GPC6: variants seen among roughly 807,000 people sequenced by gnomAD.
GPC6 encodes glypican 6, also known as glypican-6.
In GPC6, 14 loss-of-function variants were observed where a neutral mutation model predicts 55.2. The ratio of observed to expected loss-of-function variants is 0.25; its 90% confidence interval spans 0.17 to 0.40. GPC6 has a LOEUF of 0.40. Among genes scored for constraint, GPC6 ranks in the 10% least tolerant of loss-of-function variants. The probability of loss-of-function intolerance (pLI) is 1.00; values close to 1 mark genes in which losing one functional copy is unlikely to be tolerated. For missense variants in GPC6, 641 were observed against 708.5 expected (o/e 0.90, Z 1.08); for synonymous variants, 278 against 259.6 (o/e 1.07, Z -0.68).
intron 1 of GPC6, among the ~76,000 whole-genome samples, chr13:93,418,199 G>A (rs189114799): frequency 2.8e-3 from 430 of 151,472 alleles, no homozygotes; most frequent in African/African-American, 9.8e-3. Flanking sequence ...GAGATACTTC[G>A]ATATAGGCAT....
At chr13:94,358,838 C>T (rs1437420810) in intron 6 of GPC6, among the ~76,000 whole-genome samples, 3 of 152,244 alleles carry the variant, frequency 2.0e-5, no homozygotes, top group Non-Finnish European at 2.9e-5. Context: ...TCCTGAAATC[C>T]TCTTTTTCAT....
intron 6 of GPC6, among the ~76,000 whole-genome samples, chr13:94,312,732 A>G (rs74105768): frequency 7.3e-6 from 1 of 137,898 alleles, no homozygotes; most frequent in Non-Finnish European, 1.5e-5. Context: ...ACACACACAC[A>G]CACACACACA....
chr13:93,658,337 C>T (rs936807765), intron 2 of GPC6, among the ~76,000 whole-genome samples: 9 of 151,832 alleles, frequency 5.9e-5, no homozygotes, highest in Non-Finnish European at 8.8e-5. Flanking sequence ...ATCTGCATTG[C>T]TGTATATGAC....
chr13:94,081,051 G>A (rs1470442705), intron 4 of GPC6, among the ~76,000 whole-genome samples: 2 of 152,124 alleles, frequency 1.3e-5, no homozygotes, highest in Non-Finnish European at 2.9e-5. Context: ...AAGACCATGG[G>A]TGTCTGTGGT....
At chr13:94,271,362 ACACACGCG>A (rs1463803071) in intron 4 of GPC6, among the ~76,000 whole-genome samples, 7 of 97,984 alleles carry the variant, frequency 7.1e-5, no homozygotes, top group African/African-American at 1.7e-4. Context: ...AAATACACAC[ACACACGCG>A]CGCGCGCGCG....
chr13:93,558,352 A>G (rs949685825), intron 2 of GPC6, among the ~76,000 whole-genome samples: 3 of 152,208 alleles, frequency 2.0e-5, no homozygotes, highest in Admixed American at 2.0e-4. Context: ...ATAAGAGCAT[A>G]AATAACTGGA....
At chr13:93,511,379 C>T (rs879603515) in intron 1 of GPC6, among the ~76,000 whole-genome samples, 7 of 151,596 alleles carry the variant, frequency 4.6e-5, no homozygotes, top group Non-Finnish European at 8.8e-5. Flanking sequence ...AAATAGAGGT[C>T]TAGTTTCATT....
intron 3 of GPC6, among the ~76,000 whole-genome samples, chr13:93,952,901 G>A (rs921568508): frequency 2.0e-4 from 30 of 147,072 alleles, no homozygotes; most frequent in South Asian, 8.6e-4. Context: ...ATATATACGT[G>A]TATATATGTA....
chr13:93,403,244 T>C (rs2139234874), intron 1 of GPC6, among the ~76,000 whole-genome samples: 1 of 152,318 alleles, frequency 6.6e-6, no homozygotes, highest in East Asian at 1.9e-4. Context: ...GCCAAGGTTT[T>C]AGGTTCTGAT....
At chr13:93,446,441 A>G (rs1006472355) in intron 1 of GPC6, among the ~76,000 whole-genome samples, 1 of 152,170 alleles carries the variant, frequency 6.6e-6, no homozygotes, top group Admixed American at 6.6e-5. Context: ...GATTCTAGAT[A>G]GGAGGGTATT....
intron 4 of GPC6, among the ~76,000 whole-genome samples, chr13:94,196,779 G>T (rs1018277666): frequency 1.3e-5 from 2 of 152,094 alleles, no homozygotes; most frequent in Admixed American, 1.3e-4. Context: ...TCCCATAACT[G>T]CCACACAACC....
chr13:93,345,529 A>G (rs1880397680), intron 1 of GPC6, among the ~76,000 whole-genome samples: 1 of 152,138 alleles, frequency 6.6e-6, no homozygotes, highest in Admixed American at 6.5e-5. Context: ...AAAAAACTGC[A>G]TGCACATACT....
At chr13:94,130,045 A>G (rs1253387589) in intron 4 of GPC6, among the ~76,000 whole-genome samples, 4 of 152,178 alleles carry the variant, frequency 2.6e-5, no homozygotes, top group Non-Finnish European at 5.9e-5. Flanking sequence ...TGATGGAATC[A>G]TATTCATTGC....
At chr13:93,277,323 A>G (rs904025005) in intron 1 of GPC6, among the ~76,000 whole-genome samples, 3 of 152,222 alleles carry the variant, frequency 2.0e-5, no homozygotes, top group African/African-American at 7.2e-5. Flanking sequence ...ACATCTATAA[A>G]ACGATGAAGA....
chr13:93,466,983 G>T (rs1175606087), intron 1 of GPC6, among the ~76,000 whole-genome samples: 1 of 152,178 alleles, frequency 6.6e-6, no homozygotes, highest in African/African-American at 2.4e-5. Context: ...AGAAAGGGGA[G>T]TCTATGAGGT....
At chr13:93,219,892 T>C in the GPC6 span, among the ~76,000 whole-genome samples, 3 of 152,218 alleles carry the variant, frequency 2.0e-5, no homozygotes, top group Non-Finnish European at 4.4e-5. Flanking sequence ...TGTTAGTTTA[T>C]ATTAAAATTT....
rs1337831524 is a variant in GPC6, at chr13:93,799,511, T to C, written c.320-30643T>C. Among the ~76,000 whole-genome samples the C allele has an allele frequency of 2.0e-5, 3 of 152,208 alleles. No homozygotes were observed. In the East Asian group the frequency reaches 5.8e-4, roughly 29 times the overall value. ...TTGTCAGACACTTAATCCTTTATCA[T>C]TTATTGGCAAGGAATGTAATTGAAT... On this transcript the variant is annotated intron_variant, in intron 2 of 8. Coordinates refer to ENST00000377047, the MANE Select transcript of GPC6 (RefSeq NM_005708.5).
intron 1 of GPC6, among the ~76,000 whole-genome samples, chr13:93,255,869 C>T (rs1401509342): frequency 6.6e-6 from 1 of 152,198 alleles, no homozygotes; most frequent in Non-Finnish European, 1.5e-5. Flanking sequence ...CCCTGTGGCT[C>T]ATGCCTGTAA....
chr13:93,693,684 T>A (rs1372496809), intron 2 of GPC6, among the ~76,000 whole-genome samples: 1 of 152,052 alleles, frequency 6.6e-6, no homozygotes, highest in Non-Finnish European at 1.5e-5. Context: ...ACAGGGTTTC[T>A]CCTTGTTGCC....
Sources: allele counts gnomAD v4.1 joint callset (sites outside exome capture counted in the v4.1 genomes callset), GRCh38; gene constraint gnomAD v4.1.1; transcripts MANE v1.5; gene names NCBI Gene and HGNC (gene_info 2026-07-23, HGNC 2026-07-21).